The following RBSN variants were observed in gnomAD, a reference collection of about 807,000 sequenced individuals.
RBSN encodes rabenosyn, RAB effector.
In RBSN, 34 loss-of-function variants were observed where a neutral mutation model predicts 60.5. That is an observed-to-expected ratio of 0.56 (90% CI 0.43 to 0.75). The LOEUF (loss-of-function observed/expected upper bound fraction) is 0.75. RBSN is among the 30% of genes least tolerant of loss of function. The probability of loss-of-function intolerance (pLI) is 0.00; values close to 1 mark genes in which losing one functional copy is unlikely to be tolerated. For synonymous variants in RBSN, 322 were observed against 366.9 expected (o/e 0.88, Z 1.40); for missense variants, 845 against 986.8 (o/e 0.86, Z 1.92).
chr3:15,081,947 T>C (rs775217923), intron 9 of RBSN, among the ~76,000 whole-genome samples: 4 of 152,240 alleles, frequency 2.6e-5, no homozygotes, highest in Non-Finnish European at 4.4e-5. Flanking sequence ...TGGTGAAGCC[T>C]GAAAACTTGT....
chr3:15,073,878 G>A lies in RBSN; in HGVS notation c.2259C>T (p.Ala753=). ...IDNIKAYIFD[A]KQCGRLDEVE... ...CCTCATCCAGGCGGCCGCACTGCTT[G>A]GCATCAAAGATGTATGCCTTGATGT... The change falls in exon 14 of 14, where the codon GCC becomes GCT. Residue 753 remains alanine (A), a synonymous_variant. Transcript: ENST00000253699. The A allele has an allele frequency of 6.2e-7, 1 of 1,614,018 alleles. No individual in the cohort carries two copies. Among genetic ancestry groups the A allele is most frequent in the Non-Finnish European group, 8.5e-7 (1 of 1,180,012 alleles).
At chr3:15,085,686 A>G (rs957137169) in intron 6 of RBSN, among the ~76,000 whole-genome samples, 175 bp downstream of exon 6, 2 of 152,174 alleles carry the variant, frequency 1.3e-5, no homozygotes, top group Non-Finnish European at 2.9e-5. Flanking sequence ...CTCTTAAGGA[A>G]TGCTGGCCCA....
intron 6 of RBSN, among the ~76,000 whole-genome samples, chr3:15,085,428 TG>T (rs936242318): frequency 6.6e-6 from 1 of 152,220 alleles, no homozygotes; most frequent in African/African-American, 2.4e-5. Context: ...ACTGTACTTG[TG>T]CTTGCTACTA....
chr3:15,090,621 T>C, intron 4 of RBSN, 82 bp from the exon 5 acceptor site: 1 of 1,535,340 alleles, frequency 6.5e-7, no homozygotes, highest in Non-Finnish European at 8.7e-7. Flanking sequence ...AAAACAAGAG[T>C]TGACGAAATA....
At chr3:15,076,265 C>T (rs1473686945) in intron 12 of RBSN, among the ~76,000 whole-genome samples, 1 of 152,150 alleles carries the variant, frequency 6.6e-6, no homozygotes, top group Non-Finnish European at 1.5e-5. Context: ...CTTCTCTATA[C>T]TACAGAGTTA....
chr3:15,090,288 C>CTTAGACCA, intron 5 of RBSN, 111 bp downstream of exon 5: 1 of 1,210,436 alleles, frequency 8.3e-7, no homozygotes. Context: ...CCATGAGAAG[C>CTTAGACCA]TTAGACCATT....
At chr3:15,080,632 G>A (rs879134636) in intron 10 of RBSN, 100 bp downstream of exon 10, 6 of 1,211,794 alleles carry the variant, frequency 5.0e-6, no homozygotes, top group African/African-American at 1.5e-5. Context: ...AAAAAAGCAC[G>A]GTTGAAGTTA....
chr3:15,097,522 GTAAATAAATAAATAAA>G (rs58929766), intron 2 of RBSN, among the ~76,000 whole-genome samples: 3 of 151,570 alleles, frequency 2.0e-5, no homozygotes, highest in African/African-American at 4.9e-5. Context: ...TCTCAAAAAA[GTAAATAAATAAATAAA>G]TAAATAAATA....
At chr3:15,097,519 A>G (rs1283424953) in intron 2 of RBSN, among the ~76,000 whole-genome samples, 1 of 149,930 alleles carries the variant, frequency 6.7e-6, no homozygotes, top group Non-Finnish European at 1.5e-5. Context: ...CCATCTCAAA[A>G]AAGTAAATAA....
chr3:15,095,864 GCTA>G, intron 4 of RBSN, 106 bp downstream of exon 4: 5 of 1,425,230 alleles, frequency 3.5e-6, no homozygotes, highest in South Asian at 1.2e-5. Context: ...TCATCTGTTT[GCTA>G]CTACTATTAT....
chr3:15,084,628 T>C lies in RBSN; in HGVS notation c.598+107A>G. The C allele has an allele frequency of 1.5e-6, 2 of 1,373,744 alleles. No individual in the cohort carries two copies. Among genetic ancestry groups the C allele is most frequent in the South Asian group, 2.9e-5 (2 of 69,162 alleles). 85.1% of individuals were successfully genotyped at this position (1,373,744 alleles called of 1,614,324 possible). On this transcript the variant is annotated intron_variant, in intron 8 of 13. Transcript: ENST00000253699. This position sits in a 1 kb window ranked among gnomAD's most constrained non-coding sequence, Gnocchi z 4.2. Reference sequence around the variant, plus strand: ...GCAACTCAATGAATGAAGATTCCCATGAGCCATTAATTTAACAAAAAGGTT... The same window carrying C: ...GCAACTCAATGAATGAAGATTCCCACGAGCCATTAATTTAACAAAAAGGTT...
chr3:15,081,052 C>T, intron 9 of RBSN: 2 of 460,010 alleles, frequency 4.3e-6, no homozygotes, highest in South Asian at 5.3e-5. Flanking sequence ...TTTGTTCTGT[C>T]ACCCAAGGTG....
At chr3:15,090,263 G>T in intron 5 of RBSN, 136 bp downstream of exon 5, 1 of 933,414 alleles carries the variant, frequency 1.1e-6, no homozygotes, top group Non-Finnish European at 1.6e-6. Context: ...TCTTCCCCCA[G>T]CAAGGGCATA....
chr3:15,076,014 C>G (rs145436910), intron 12 of RBSN, among the ~76,000 whole-genome samples: 58 of 152,144 alleles, frequency 3.8e-4, no homozygotes, highest in African/African-American at 1.4e-3. Flanking sequence ...AATCCCAGCC[C>G]TCTCTCCCAC....
In RBSN at chr3:15,073,128, G is replaced by GA. The variant is rs2042958104; in HGVS notation, c.*653dup. 1 of 152,290 alleles carries GA rather than the reference G, an allele frequency of 6.6e-6. No individual in the cohort carries two copies. Among genetic ancestry groups the GA allele is most frequent in the Non-Finnish European group, 1.5e-5 (1 of 68,054 alleles). 9.4% of individuals were successfully genotyped at this position (152,290 alleles called of 1,614,324 possible). ...TTAAACTGAGAAAATAGACCCTGGT[G>GA]AAATATTCCCATCACCCCACCTTAA... is the stretch of plus-strand genomic sequence containing the variant. On this transcript the variant is annotated 3_prime_UTR_variant, in exon 14 of 14. Transcript: ENST00000253699.
In RBSN at chr3:15,084,545, C is replaced by T. The variant is rs2043287547; in HGVS notation, c.598+190G>A. On this transcript the variant is annotated intron_variant, in intron 8 of 13. Coordinates refer to ENST00000253699, the MANE Select transcript of RBSN (RefSeq NM_022340.4). This position sits in a 1 kb window ranked among gnomAD's most constrained non-coding sequence, Gnocchi z 4.2. ...AAAGTTTGCCAATCCCTGTTATAGA[C>T]CACTGTATCCCTGGCCCCTAGCATA... Among the ~76,000 whole-genome samples the T allele has an allele frequency of 6.6e-6, 1 of 152,194 alleles. No individual in the cohort carries two copies. Among genetic ancestry groups the T allele is most frequent in the South Asian group, 2.1e-4 (1 of 4,830 alleles).
At chr3:15,078,351 T>C (rs1559342427) in intron 10 of RBSN, among the ~76,000 whole-genome samples, 190 bp from the exon 11 acceptor site, 1 of 152,144 alleles carries the variant, frequency 6.6e-6, no homozygotes, top group Non-Finnish European at 1.5e-5. Context: ...GATGTTTCGA[T>C]TTGCAGACGC....
rs1043391744 is a variant in RBSN, at chr3:15,082,262, A to G, written c.840+105T>C. 1.4e-6 allele frequency: 2 copies of G among 1,465,944 alleles called. No individual in the cohort carries two copies. Among genetic ancestry groups the G allele is most frequent in the Non-Finnish European group, 9.3e-7 (1 of 1,075,290 alleles). 90.8% of individuals were successfully genotyped at this position (1,465,944 alleles called of 1,614,324 possible). On this transcript the variant is annotated intron_variant, in intron 9 of 13. Transcript: ENST00000253699. The surrounding 1 kb of genome is among the most constrained non-coding windows in gnomAD (Gnocchi z 4.2). ...TTTAACAGGAACTACAAATAATTCA[A>G]ACGAACAACTTCCCAAAGCATTCTC...
At position 15,084,027 on chromosome 3, in the gene RBSN, G is replaced by A. The variant is rs1436024883; in HGVS notation, c.598+708C>T. Among the ~76,000 whole-genome samples, 1 of 152,122 alleles carries A rather than the reference G, an allele frequency of 6.6e-6. No individual in the cohort carries two copies. The highest frequency in any genetic ancestry group is 2.4e-5 in the African/African-American group (1 of 41,418). On this transcript the variant is annotated intron_variant, in intron 8 of 13. Transcript: ENST00000253699. The surrounding 1 kb of genome is among the most constrained non-coding windows in gnomAD (Gnocchi z 4.2). ...CTTATAGGCTTATAGGCCAGAAATG[G>A]GCAAAAAATGACCTGTGAGCCAAGT...
Sources: gnomAD v4.1 joint callset for allele counts (sites outside exome capture counted in the v4.1 genomes callset) on GRCh38, gnomAD v4.1.1 for gene constraint, Gnocchi (gnomAD v3.1) non-coding constraint, MANE v1.5 for transcripts, NCBI Gene and HGNC (gene_info 2026-07-23, HGNC 2026-07-21) for gene names.